The following KYNU variants were observed in gnomAD, a reference collection of about 807,000 sequenced individuals.
The protein encoded by KYNU is L-kynurenine hydrolase.
A neutral mutation model predicts 59.2 loss-of-function variants in KYNU; 54 were observed. That is an observed-to-expected ratio of 0.91 (90% CI 0.73 to 1.14). The LOEUF (loss-of-function observed/expected upper bound fraction) is 1.14. KYNU is among the 50% of genes most tolerant of loss of function. The pLI is 0.00. For synonymous variants in KYNU, 177 were observed against 192.0 expected, an observed-to-expected ratio of 0.92 and a Z score of 0.65; for missense variants, 567 against 554.4, an observed-to-expected ratio of 1.02 and a Z score of -0.23.
In KYNU at chr2:142,918,671, C is replaced by A; in HGVS notation, c.232C>A (p.Leu78Ile). 1 of 1,610,922 alleles carries A rather than the reference C, an allele frequency of 6.2e-7. No homozygotes were observed. Among genetic ancestry groups the A allele is most frequent in the Non-Finnish European group, 8.5e-7 (1 of 1,178,784 alleles). Residue 78 changes from leucine to isoleucine, a missense_variant, in exon 3 of 14, where the codon CTT becomes ATT. Transcript: ENST00000264170. The part of the protein sequence containing the change: ...AIYFLGNSLG[L>I]QPKMVKTYLE... The stretch of plus-strand genomic sequence containing the variant: ...CTATTTCTTGGGAAATTCTCTTGGC[C>A]TTCAACCAAAAATGGTTAAAACATA...
At chr2:143,036,201 G>A (rs1433758853) in intron 12 of KYNU, among the ~76,000 whole-genome samples, 7 of 151,986 alleles carry the variant, frequency 4.6e-5, no homozygotes, top group Non-Finnish European at 8.8e-5. Context: ...GCACTTGAAC[G>A]CAAATTTAAT....
In KYNU at chr2:143,050,753, ACTT is replaced by A. The variant is rs1226137076; in HGVS notation, c.*8582_*8584del. The stretch of plus-strand genomic sequence containing the variant: ...GCTATTTTATGCTCAATAACTTTCT[ACTT>A]ATTCTTGAGTTCAAAACTATATGGG... On this transcript the variant is annotated 3_prime_UTR_variant, in exon 14 of 14. Coordinates refer to ENST00000264170, the MANE Select transcript of KYNU (RefSeq NM_003937.3). The A allele has an allele frequency of 1.3e-5, 2 of 152,200 alleles. No homozygotes were observed. The highest frequency in any genetic ancestry group is 2.9e-5 in the Non-Finnish European group (2 of 68,022). The allele number at this position is 152,200 out of a possible 1,614,324, so 9.4% of individuals were successfully genotyped here.
In KYNU at chr2:142,881,744, C is replaced by A. The variant is rs185231596; in HGVS notation, c.-19-3605C>A. On this transcript the variant is annotated intron_variant, in intron 1 of 13. Coordinates refer to ENST00000264170, the MANE Select transcript of KYNU (RefSeq NM_003937.3). ...AATACTTATTTGAAACTTAATATAT[C>A]CTAAATATAATTTTTTTTTAAACAG... 9.9e-4 allele frequency among the ~76,000 whole-genome samples: 151 copies of A among 152,008 alleles called. 1 individual carries two copies. The Middle Eastern group carries it at 0.014, about 14-fold the overall frequency.
chr2:143,051,018 C>G lies in KYNU; in HGVS notation c.*8846C>G, dbSNP rs1308753030. On this transcript the variant is annotated 3_prime_UTR_variant, in exon 14 of 14. Transcript: ENST00000264170. ...ATGTGCACTGTGTGTATGATATGCTCTATGTTCTCTTCCCACTAATAATTT... is the reference window on the plus strand; with the variant it reads ...ATGTGCACTGTGTGTATGATATGCTGTATGTTCTCTTCCCACTAATAATTT... 6.6e-6 allele frequency: 1 copy of G among 152,132 alleles called. No individual in the cohort carries two copies. The highest frequency in any genetic ancestry group is 1.5e-5 in the Non-Finnish European group (1 of 68,034). The allele number at this position is 152,132 out of a possible 1,614,324, so 9.4% of individuals were successfully genotyped here. A position where few individuals can be genotyped will look rare whatever the true frequency, so the allele number is the denominator to read the frequency against.
rs35434351 is a variant in KYNU at position 142,918,572 on chromosome 2, ATTTT to A, written c.170-23_170-20del. The A allele has an allele frequency of 2.6e-3, 3,448 of 1,310,272 alleles. 31 individuals carry two copies. In the African/African-American group the frequency reaches 0.043, roughly 16 times the overall value. The allele number at this position is 1,310,272 out of a possible 1,614,324, so 81.2% of individuals were successfully genotyped here. ...ACAATACCATACTGAAAAAGCTTTT[ATTTT>A]TTTTTTTTTTTTTGACATTTCTTCT... is the stretch of plus-strand genomic sequence containing the variant. On this transcript the variant is annotated intron_variant, in intron 2 of 13. Coordinates refer to ENST00000264170, the MANE Select transcript of KYNU (RefSeq NM_003937.3).
chr2:142,929,908 G>A (rs1683155912), intron 4 of KYNU, among the ~76,000 whole-genome samples: 1 of 152,186 alleles, frequency 6.6e-6, no homozygotes, highest in African/African-American at 2.4e-5. Flanking sequence ...AAGGGTTCTA[G>A]TCTCTCAGTT....
At chr2:143,019,313 T>A (rs1686343731) in intron 10 of KYNU, among the ~76,000 whole-genome samples, 1 of 152,172 alleles carries the variant, frequency 6.6e-6, no homozygotes. Context: ...ATTTCTTCTA[T>A]AACCAATTTG....
intron 2 of KYNU, among the ~76,000 whole-genome samples, chr2:142,903,507 A>G (rs894542627): frequency 2.0e-5 from 3 of 150,300 alleles, no homozygotes; most frequent in African/African-American, 7.4e-5. Context: ...TGGGAGAAGT[A>G]TCTAGTGGCT....
intron 2 of KYNU, among the ~76,000 whole-genome samples, chr2:142,912,387 T>C (rs13027766): frequency 0.027 from 3,701 of 139,304 alleles, 82 homozygotes; most frequent in African/African-American, 0.095. Flanking sequence ...TTTTTTTTTT[T>C]TTTTTTTTTG....
chr2:142,901,733 G>C (rs116265505), intron 2 of KYNU, among the ~76,000 whole-genome samples: 1,538 of 152,128 alleles, frequency 0.01, 21 homozygotes, highest in African/African-American at 0.036. Flanking sequence ...AGGGCTATTA[G>C]TTCTGCCAGC....
intron 10 of KYNU, among the ~76,000 whole-genome samples, chr2:142,995,010 A>C (rs1439583758): frequency 6.6e-6 from 1 of 152,170 alleles, no homozygotes; most frequent in Non-Finnish European, 1.5e-5. Flanking sequence ...AACATTGATG[A>C]ACAAAATTCA....
At chr2:142,889,841 T>A (rs145810555) in intron 2 of KYNU, among the ~76,000 whole-genome samples, 17 of 152,172 alleles carry the variant, frequency 1.1e-4, no homozygotes, top group African/African-American at 3.6e-4. Flanking sequence ...ATAAACAAGT[T>A]TTGAACAAAT....
In KYNU at chr2:142,927,716, T is replaced by A; in HGVS notation, c.348T>A (p.Ile116=). The A allele has an allele frequency of 6.2e-7, 1 of 1,612,382 alleles. No individual in the cohort carries two copies. The highest frequency in any genetic ancestry group is 1.1e-5 in the South Asian group (1 of 91,044). The stretch of plus-strand genomic sequence containing the variant: ...CTTGGATTACAGGAGATGAGAGTAT[T>A]GTAGGCCTTATGAAGGACATTGTAG... ...KRPWITGDES[I]VGLMKDIVGA... Residue 116 remains isoleucine, a synonymous_variant, in exon 4 of 14, where the codon ATT becomes ATA. Transcript: ENST00000264170.
intron 10 of KYNU, among the ~76,000 whole-genome samples, chr2:143,026,991 G>T (rs1477237885): frequency 6.6e-6 from 1 of 152,144 alleles, no homozygotes; most frequent in African/African-American, 2.4e-5. Context: ...GGCGGGGTGG[G>T]GCCATGAGTG....
At chr2:142,989,802 T>C (rs1327551253) in intron 10 of KYNU, 4 of 151,902 alleles carry the variant, frequency 2.6e-5, no homozygotes, top group Admixed American at 2.0e-4. Context: ...GTGACCCACC[T>C]GGTGTAGAGA....
At chr2:143,001,006 C>T (rs542388129) in intron 10 of KYNU, among the ~76,000 whole-genome samples, 1 of 152,322 alleles carries the variant, frequency 6.6e-6, no homozygotes, top group Admixed American at 6.5e-5. Flanking sequence ...TATTGCCTCA[C>T]TCATGATGGG....
chr2:142,938,466 C>A (rs996536406), intron 4 of KYNU, among the ~76,000 whole-genome samples: 1 of 152,130 alleles, frequency 6.6e-6, no homozygotes, highest in Non-Finnish European at 1.5e-5. Context: ...ACAGAAACAG[C>A]CAGGTTGTTT....
chr2:143,008,156 G>A (rs1685971712), intron 10 of KYNU, among the ~76,000 whole-genome samples: 1 of 110,168 alleles, frequency 9.1e-6, no homozygotes, highest in East Asian at 3.4e-4. Flanking sequence ...CTGTATTCAG[G>A]AAGCCCATCT....
chr2:142,973,522 T>C (rs1684798138), intron 8 of KYNU, among the ~76,000 whole-genome samples: 1 of 152,160 alleles, frequency 6.6e-6, no homozygotes, highest in Non-Finnish European at 1.5e-5. Context: ...CCAGCAATGA[T>C]GGCTGCATTA....
Sources: gnomAD v4.1 joint callset for allele counts (sites outside exome capture counted in the v4.1 genomes callset) on GRCh38, gnomAD v4.1.1 for gene constraint, MANE v1.5 for transcripts, NCBI Gene and HGNC (gene_info 2026-07-23, HGNC 2026-07-21) for gene names.